The following KLF8 variants were observed in gnomAD, a reference collection of about 807,000 sequenced individuals.
KLF8 encodes Krueppel-like factor 8.
A neutral mutation model predicts 18.2 loss-of-function variants in KLF8; 10 were observed. The observed-to-expected ratio is 0.55, with a 90% CI of 0.34 to 0.93. KLF8 has a LOEUF of 0.93. Ranked by LOEUF, KLF8 falls within the 40% of genes least tolerant of loss-of-function variation. The probability of loss-of-function intolerance (pLI) is 0.02; values close to 1 mark genes in which losing one functional copy is unlikely to be tolerated. For synonymous variants in KLF8, 109 were observed against 97.3 expected, an observed-to-expected ratio of 1.12 and a Z score of -0.71; for missense variants, 264 against 277.9, an observed-to-expected ratio of 0.95 and a Z score of 0.36.
chrX:55,958,955 T>C, the KLF8 span, among the ~76,000 whole-genome samples: 1 of 111,912 alleles, frequency 8.9e-6, no homozygotes. Flanking sequence ...ACCCTACTGA[T>C]GCACATGTGC....
the KLF8 span, among the ~76,000 whole-genome samples, chrX:56,158,870 C>A: frequency 9.0e-6 from 1 of 111,371 alleles, no homozygotes; most frequent in African/African-American, 3.3e-5. Flanking sequence ...TAATTGAATA[C>A]CATTTATTTC....
the KLF8 span, among the ~76,000 whole-genome samples, chrX:56,098,833 A>G: frequency 8.9e-6 from 1 of 112,026 alleles, no homozygotes; most frequent in African/African-American, 3.2e-5. Context: ...ATTTAAGATT[A>G]CCAAGACTCC....
At chrX:56,124,376 G>T in the KLF8 span, among the ~76,000 whole-genome samples, 1 of 111,753 alleles carries the variant, frequency 8.9e-6, no homozygotes, top group African/African-American at 3.2e-5. Context: ...ATTGCCCAAG[G>T]TCGTACAACT....
intron 1 of KLF8, among the ~76,000 whole-genome samples, chrX:56,248,408 T>TA (rs769279309): frequency 2.1e-4 from 24 of 111,907 alleles, no homozygotes; most frequent in African/African-American, 6.5e-4. Flanking sequence ...TTAACTCTGT[T>TA]AAGGCAATAC....
chrX:56,031,398 G>C, the KLF8 span, among the ~76,000 whole-genome samples: 4 of 112,215 alleles, frequency 3.6e-5, 1 homozygote, highest in Admixed American at 9.4e-5. Flanking sequence ...GCTGTGGGTG[G>C]TCAGGCCATG....
chrX:56,022,035 A>G, the KLF8 span, among the ~76,000 whole-genome samples: 1 of 111,335 alleles, frequency 9.0e-6, no homozygotes, highest in South Asian at 3.7e-4. Flanking sequence ...TTAAACCAAA[A>G]CAAAATGAAA....
chrX:56,253,758 CTTTTTCTTTTTT>C (rs1462117152), intron 2 of KLF8, among the ~76,000 whole-genome samples: 1 of 33,583 alleles, frequency 3.0e-5, no homozygotes, highest in Non-Finnish European at 6.3e-5. Context: ...GTCTTTTTTT[CTTTTTCTTTTTT>C]TTTTTTTTGA....
the KLF8 span, among the ~76,000 whole-genome samples, chrX:56,187,486 C>A: frequency 3.0e-3 from 333 of 111,630 alleles, no homozygotes; most frequent in African/African-American, 0.01. Flanking sequence ...CTATTCCAAT[C>A]AATAGAAAAA....
At chrX:56,043,838 C>T in the KLF8 span, among the ~76,000 whole-genome samples, 2 of 112,504 alleles carry the variant, frequency 1.8e-5, no homozygotes, top group African/African-American at 6.5e-5. Context: ...CAGTTTTGTG[C>T]CCTTGCTGGA....
the KLF8 span, among the ~76,000 whole-genome samples, chrX:56,202,208 T>A: frequency 9.0e-6 from 1 of 111,117 alleles, no homozygotes; most frequent in Non-Finnish European, 1.9e-5. Context: ...CCTACCTTTT[T>A]TTTTTCACAT....
chrX:56,101,038 G>A, the KLF8 span, among the ~76,000 whole-genome samples: 1 of 111,277 alleles, frequency 9.0e-6, no homozygotes, highest in Non-Finnish European at 1.9e-5. Flanking sequence ...GCATGATGCT[G>A]AGGTTTGGGA....
At chrX:56,220,091 G>A in the KLF8 span, among the ~76,000 whole-genome samples, 7 of 112,197 alleles carry the variant, frequency 6.2e-5, no homozygotes, top group African/African-American at 2.3e-4. Context: ...AAAAATTAAA[G>A]ATAGAAAATA....
the KLF8 span, among the ~76,000 whole-genome samples, chrX:56,147,928 A>G: frequency 8.9e-6 from 1 of 112,468 alleles, no homozygotes; most frequent in South Asian, 3.6e-4. Flanking sequence ...CAGTGATCTG[A>G]GATCATGCCA....
the KLF8 span, among the ~76,000 whole-genome samples, chrX:55,963,463 C>T: frequency 7.2e-5 from 8 of 111,334 alleles, no homozygotes; most frequent in Non-Finnish European, 1.5e-4. Flanking sequence ...CAAGCTACAC[C>T]CTTTGGAAAG....
the KLF8 span, among the ~76,000 whole-genome samples, chrX:56,088,463 A>G: frequency 1.6e-4 from 18 of 111,794 alleles, no homozygotes; most frequent in Non-Finnish European, 1.3e-4. Flanking sequence ...AAACTAATAA[A>G]CAAGGAGAAT....
At chrX:56,139,087 C>T in the KLF8 span, among the ~76,000 whole-genome samples, 1 of 111,146 alleles carries the variant, frequency 9.0e-6, no homozygotes, top group Non-Finnish European at 1.9e-5. Context: ...GGGAAAACAG[C>T]TAACTAGGGA....
At chrX:55,972,873 G>C in the KLF8 span, among the ~76,000 whole-genome samples, 2 of 111,880 alleles carry the variant, frequency 1.8e-5, no homozygotes, top group African/African-American at 6.5e-5. Flanking sequence ...TATTCCAAGA[G>C]TCATATTGAA....
chrX:56,138,446 C>A, the KLF8 span, among the ~76,000 whole-genome samples: 77 of 111,516 alleles, frequency 6.9e-4, no homozygotes, highest in African/African-American at 2.5e-3. Context: ...AATCCAGCAG[C>A]TACATCACAA....
the KLF8 span, among the ~76,000 whole-genome samples, chrX:56,067,130 T>C: frequency 9.3e-6 from 1 of 107,111 alleles, no homozygotes; most frequent in African/African-American, 3.4e-5. Context: ...AAGATGATAC[T>C]GTCTACTCAC....
Sources: gnomAD v4.1 joint callset for allele counts (sites outside exome capture counted in the v4.1 genomes callset) on GRCh38, gnomAD v4.1.1 for gene constraint, MANE v1.5 for transcripts, NCBI Gene and HGNC (gene_info 2026-07-23, HGNC 2026-07-21) for gene names.